The following NRG1 variants were observed in gnomAD, a reference collection of about 807,000 sequenced individuals.
The protein encoded by NRG1 is pro-neuregulin-1, membrane-bound isoform.
In NRG1, 18 loss-of-function variants were observed where a neutral mutation model predicts 63.8. That is an observed-to-expected ratio of 0.28 (90% confidence interval 0.19 to 0.42). NRG1 has a LOEUF of 0.42. Ranked by LOEUF, NRG1 falls within the 10% of genes least tolerant of loss-of-function variation. NRG1 has a pLI of 1.00. For missense variants in NRG1, 762 were observed against 814.7 expected, an observed-to-expected ratio of 0.94 and a Z score of 0.79; for synonymous variants, 302 against 301.3, an observed-to-expected ratio of 1.00 and a Z score of -0.02.
At chr8:32,199,411 A>T (rs1185219469) in intron 1 of NRG1, among the ~76,000 whole-genome samples, 1 of 152,162 alleles carries the variant, frequency 6.6e-6, no homozygotes, top group Non-Finnish European at 1.5e-5. Context: ...TATCATCCTG[A>T]GACTTCATCT....
intron 5 of NRG1, among the ~76,000 whole-genome samples, chr8:32,691,975 T>G (rs182917247): frequency 2.4e-4 from 36 of 152,354 alleles, no homozygotes; most frequent in African/African-American, 6.7e-4. Context: ...GAAATACCTT[T>G]ATTGAACATC....
chr8:32,246,824 G>T (rs1848632417), intron 1 of NRG1, among the ~76,000 whole-genome samples: 1 of 152,004 alleles, frequency 6.6e-6, no homozygotes, highest in Non-Finnish European at 1.5e-5. Flanking sequence ...TGGAGGGAAT[G>T]GGGAGGTGAT....
At chr8:31,693,767 G>T (rs1157917017) in intron 1 of NRG1, among the ~76,000 whole-genome samples, 1 of 152,184 alleles carries the variant, frequency 6.6e-6, no homozygotes. Flanking sequence ...GCTGATATGT[G>T]TCTTCAGGAT....
intron 1 of NRG1, among the ~76,000 whole-genome samples, chr8:32,088,397 G>A (rs904308243): frequency 7.2e-5 from 11 of 152,148 alleles, no homozygotes; most frequent in South Asian, 2.1e-4. Context: ...TAAGCTTTTC[G>A]AAATATTGTA....
In NRG1 at chr8:32,372,239, C is replaced by T. The variant is rs977747759; in HGVS notation, c.38-223589C>T. ...CCTGGCCTCAAACAAATCCTCTCTC[C>T]TCAGCCTCCCAAAGTGCTGGGATTA... On this transcript the variant is annotated intron_variant, in intron 1 of 10. Coordinates refer to the NRG1 transcript ENST00000519301. Among the ~76,000 whole-genome samples, 4 of 152,070 alleles carry T rather than the reference C, an allele frequency of 2.6e-5. No homozygotes were observed. The East Asian group carries it at 7.8e-4, about 30-fold the overall frequency.
At chr8:31,834,311 A>G (rs76920733) in intron 1 of NRG1, among the ~76,000 whole-genome samples, 4 of 67,598 alleles carry the variant, frequency 5.9e-5, no homozygotes, top group East Asian at 8.4e-4. Context: ...ACGCGCGCAC[A>G]CACACACACA....
chr8:32,105,243 C>T (rs555784194), intron 1 of NRG1, among the ~76,000 whole-genome samples: 7 of 152,230 alleles, frequency 4.6e-5, no homozygotes, highest in East Asian at 3.9e-4. Context: ...TAGAGCATGA[C>T]TGTATTAGTT....
chr8:31,939,877 A>C (rs1801494294), intron 1 of NRG1, among the ~76,000 whole-genome samples: 1 of 152,154 alleles, frequency 6.6e-6, no homozygotes, highest in Non-Finnish European at 1.5e-5. Context: ...CGCAATTCTA[A>C]ATATATAAGC....
chr8:32,544,679 CTTTTTTTTTT>C (rs755780220), upstream of NRG1, among the ~76,000 whole-genome samples: 4 of 80,466 alleles, frequency 5.0e-5, no homozygotes, highest in South Asian at 1.1e-3. Context: ...ATTTTTGTAT[CTTTTTTTTTT>C]TTTTTTTTTT....
chr8:32,098,993 G>A (rs1830224009), intron 1 of NRG1, among the ~76,000 whole-genome samples: 1 of 152,070 alleles, frequency 6.6e-6, no homozygotes, highest in African/African-American at 2.4e-5. Context: ...ATCTATCTGG[G>A]GCCAGTGGCA....
chr8:32,109,738 C>T (rs910548490), intron 1 of NRG1, among the ~76,000 whole-genome samples: 2 of 152,098 alleles, frequency 1.3e-5, no homozygotes, highest in African/African-American at 4.8e-5. Flanking sequence ...CAGTTCCCCT[C>T]AATTCAAGAG....
At chr8:31,838,849 C>T (rs1825924392) in intron 1 of NRG1, among the ~76,000 whole-genome samples, 1 of 152,128 alleles carries the variant, frequency 6.6e-6, no homozygotes, top group Non-Finnish European at 1.5e-5. Context: ...AGGTGATGAA[C>T]TGCACTTTTT....
intron 1 of NRG1, among the ~76,000 whole-genome samples, chr8:31,951,469 A>G (rs1803455989): frequency 6.6e-6 from 1 of 152,234 alleles, no homozygotes; most frequent in Non-Finnish European, 1.5e-5. Flanking sequence ...TCAATGGCTG[A>G]GATTGCAGTT....
chr8:31,741,604 G>A lies in NRG1; in HGVS notation c.37+102173G>A, dbSNP rs145616181. ...ATTCAGAAAATGTATCCTAATGGCCGATAAACATTAAAAGGTGCTGAACAT... is the reference window on the plus strand; with the variant it reads ...ATTCAGAAAATGTATCCTAATGGCCAATAAACATTAAAAGGTGCTGAACAT... On this transcript the variant is annotated intron_variant, in intron 1 of 10. Coordinates refer to the NRG1 transcript ENST00000519301. 1.3e-3 allele frequency among the ~76,000 whole-genome samples: 191 copies of A among 151,970 alleles called. 1 individual carries two copies. Among genetic ancestry groups the A allele is most frequent in the Middle Eastern group, 6.8e-3 (2 of 294 alleles).
chr8:32,006,525 AAATTTCTCGTGCTAGTG>A (rs2129806413), intron 1 of NRG1, among the ~76,000 whole-genome samples: 1 of 152,078 alleles, frequency 6.6e-6, no homozygotes, highest in East Asian at 1.9e-4. Flanking sequence ...CAAAGCAGAG[AAATTTCTCGTGCTAGTG>A]ACAGAAGACG....
intron 1 of NRG1, among the ~76,000 whole-genome samples, chr8:32,588,020 C>T (rs1201545846): frequency 6.6e-6 from 1 of 152,168 alleles, no homozygotes. Flanking sequence ...CTCCCCAGTT[C>T]AAATGATTCT....
intron 1 of NRG1, among the ~76,000 whole-genome samples, chr8:32,431,472 T>A (rs1240567156): frequency 3.3e-5 from 5 of 152,218 alleles, no homozygotes; most frequent in Admixed American, 1.3e-4. Flanking sequence ...CCCTAAGTAG[T>A]CTGTGTTTCC....
chr8:31,834,201 C>A (rs992129214), intron 1 of NRG1, among the ~76,000 whole-genome samples: 1 of 152,114 alleles, frequency 6.6e-6, no homozygotes, highest in African/African-American at 2.4e-5. Flanking sequence ...CATCAGCCAA[C>A]CACATGATGC....
intron 1 of NRG1, among the ~76,000 whole-genome samples, chr8:32,318,851 CCTGCCTGTAAA>C (rs1398284515): frequency 6.6e-6 from 1 of 152,072 alleles, no homozygotes; most frequent in Admixed American, 6.6e-5. Context: ...CCACGTTTTC[CCTGCCTGTAAA>C]CTCCCTTCTT....
Sources: gnomAD v4.1 joint callset for allele counts (sites outside exome capture counted in the v4.1 genomes callset) on GRCh38, gnomAD v4.1.1 for gene constraint, MANE v1.5 for transcripts, NCBI Gene and HGNC (gene_info 2026-07-23, HGNC 2026-07-21) for gene names.